RABGAP1L: variants seen among roughly 807,000 people sequenced by gnomAD.
RABGAP1L encodes the protein rab GTPase-activating protein 1-like.
In RABGAP1L, 63 loss-of-function variants were observed where a neutral mutation model predicts 137.7. That is an observed-to-expected ratio of 0.46 (90% confidence interval 0.37 to 0.56). RABGAP1L has a LOEUF of 0.56. Among genes scored for constraint, RABGAP1L ranks in the 20% least tolerant of loss-of-function variants. The pLI is 0.00. For missense variants in RABGAP1L, 1,095 were observed against 1,244.0 expected, an observed-to-expected ratio of 0.88 and a Z score of 1.80; for synonymous variants, 431 against 433.7, an observed-to-expected ratio of 0.99 and a Z score of 0.08.
rs946663981 is a variant in RABGAP1L at position 174,851,363 on chromosome 1, G to A, written c.2340+39403G>A. On this transcript the variant is annotated intron_variant, in intron 19 of 25. Coordinates refer to ENST00000681986, the MANE Select transcript of RABGAP1L (RefSeq NM_001366446.1). ...TCATGTGTCAGCCAGAGGCTGCATC[G>A]TTTCCATTGGTGCCATAAGTAGAAT... Among the ~76,000 whole-genome samples, 17 of 152,162 alleles carry A rather than the reference G, an allele frequency of 1.1e-4. 1 individual carries two copies. The highest frequency in any genetic ancestry group is 4.8e-5 in the African/African-American group (2 of 41,440).
intron 19 of RABGAP1L, among the ~76,000 whole-genome samples, chr1:174,837,862 C>G (rs1692928123): frequency 2.0e-5 from 3 of 152,014 alleles, no homozygotes; most frequent in Admixed American, 2.0e-4. Context: ...GCTGATTTGT[C>G]AAAAGTGAAA....
chr1:174,713,719 G>T (rs889963699), intron 17 of RABGAP1L, among the ~76,000 whole-genome samples: 1 of 152,170 alleles, frequency 6.6e-6, no homozygotes, highest in Non-Finnish European at 1.5e-5. Flanking sequence ...AACCTCTTTT[G>T]TTTATAAATT....
chr1:174,785,014 G>C (rs1440552689), intron 18 of RABGAP1L, among the ~76,000 whole-genome samples: 1 of 152,120 alleles, frequency 6.6e-6, no homozygotes, highest in Admixed American at 6.5e-5. Context: ...ATATACTACA[G>C]TATTTCACAA....
chr1:174,900,757 T>C (rs1367059137), intron 19 of RABGAP1L, among the ~76,000 whole-genome samples: 1 of 152,096 alleles, frequency 6.6e-6, no homozygotes, highest in African/African-American at 2.4e-5. Flanking sequence ...TTGCCTCAAG[T>C]GATCCACCTG....
intron 19 of RABGAP1L, chr1:174,892,462 G>C (rs939990388): frequency 1.4e-4 from 62 of 450,224 alleles, no homozygotes; most frequent in Non-Finnish European, 2.6e-4. Flanking sequence ...ATTTGTGCCA[G>C]CTTTTTCACC....
At chr1:174,600,736 G>C (rs904331263) in intron 13 of RABGAP1L, among the ~76,000 whole-genome samples, 2 of 152,184 alleles carry the variant, frequency 1.3e-5, no homozygotes, top group Non-Finnish European at 2.9e-5. Flanking sequence ...GCAGAGTACA[G>C]CCTCCCTTCT....
At chr1:174,623,279 C>G (rs1009496337) in intron 13 of RABGAP1L, among the ~76,000 whole-genome samples, 2 of 152,156 alleles carry the variant, frequency 1.3e-5, no homozygotes, top group African/African-American at 4.8e-5. Flanking sequence ...ACAGTGAGAT[C>G]TTCAAATTTT....
At chr1:174,720,302 T>C (rs576498456) in intron 17 of RABGAP1L, among the ~76,000 whole-genome samples, 16 of 89,286 alleles carry the variant, frequency 1.8e-4, no homozygotes, top group East Asian at 2.7e-4. Flanking sequence ...GACAGACAGA[T>C]AGTTGGTTTT....
At chr1:174,455,816 C>T (rs746602699) in intron 13 of RABGAP1L, among the ~76,000 whole-genome samples, 2 of 152,026 alleles carry the variant, frequency 1.3e-5, no homozygotes, top group East Asian at 1.9e-4. Flanking sequence ...ACATTATAAA[C>T]GAGGTCTATT....
intron 18 of RABGAP1L, 96 bp from the exon 19 acceptor site, chr1:174,811,735 TA>T: frequency 1.6e-6 from 2 of 1,240,034 alleles, no homozygotes; most frequent in Non-Finnish European, 2.1e-6. Context: ...ATCTTAGCTA[TA>T]AAAGTATATT....
chr1:174,432,478 T>C (rs973652739), intron 13 of RABGAP1L, among the ~76,000 whole-genome samples: 4 of 152,222 alleles, frequency 2.6e-5, no homozygotes, highest in Admixed American at 2.0e-4. Flanking sequence ...ACTTTATTGC[T>C]AATCACAGGA....
chr1:174,969,529 A>G (rs1369412755), intron 21 of RABGAP1L, 142 bp downstream of exon 21: 1 of 648,724 alleles, frequency 1.5e-6, no homozygotes, highest in East Asian at 2.7e-5. Flanking sequence ...TTAATTGGAG[A>G]CCATGGAAAA....
intron 11 of RABGAP1L, among the ~76,000 whole-genome samples, chr1:174,362,970 G>A (rs1684277803): frequency 6.6e-6 from 1 of 152,176 alleles, no homozygotes; most frequent in African/African-American, 2.4e-5. Context: ...TGTGCATGGT[G>A]TAAGGAAGGG....
At chr1:174,252,412 C>A in intron 6 of RABGAP1L, 68 bp from the exon 7 acceptor site, 1 of 1,567,076 alleles carries the variant, frequency 6.4e-7, no homozygotes, top group Non-Finnish European at 8.6e-7. Context: ...TTTGTTCTAA[C>A]CTTGGAATAG....
intron 19 of RABGAP1L, chr1:174,935,627 T>C (rs984747679): frequency 1.3e-5 from 2 of 152,194 alleles, no homozygotes; most frequent in Non-Finnish European, 2.9e-5. Context: ...CATGACACTG[T>C]AACACTTTGT....
At chr1:174,172,177 TGTGTG>T (rs1335343157) in intron 1 of RABGAP1L, among the ~76,000 whole-genome samples, 6 of 8,428 alleles carry the variant, frequency 7.1e-4, no homozygotes, top group Admixed American at 4.8e-3. Flanking sequence ...AATATTCCCT[TGTGTG>T]TGTGTGTGTG....
intron 13 of RABGAP1L, among the ~76,000 whole-genome samples, chr1:174,404,532 T>A (rs140289511): frequency 6.6e-6 from 1 of 152,196 alleles, no homozygotes; most frequent in Non-Finnish European, 1.5e-5. Flanking sequence ...TCGGGAAATA[T>A]ATGTCATGTC....
chr1:174,950,904 T>G (rs1178904278), intron 19 of RABGAP1L, among the ~76,000 whole-genome samples: 4 of 152,172 alleles, frequency 2.6e-5, no homozygotes, highest in Non-Finnish European at 4.4e-5. Context: ...TTACCAGTAT[T>G]TGCATCCATA....
At chr1:174,193,887 T>C (rs1667383073) in intron 1 of RABGAP1L, among the ~76,000 whole-genome samples, 1 of 152,218 alleles carries the variant, frequency 6.6e-6, no homozygotes, top group Non-Finnish European at 1.5e-5. Flanking sequence ...ACTACAGTAA[T>C]AGGAGCAATA....
Sources: gnomAD v4.1 joint callset for allele counts (sites outside exome capture counted in the v4.1 genomes callset) on GRCh38, gnomAD v4.1.1 for gene constraint, MANE v1.5 for transcripts, NCBI Gene and HGNC (gene_info 2026-07-23, HGNC 2026-07-21) for gene names.